Variants in KIRREL3 observed in about 807,000 individuals in gnomAD.
KIRREL3 encodes the protein kin of IRRE-like protein 3.
Under a neutral mutation model 89.7 loss-of-function variants are expected in KIRREL3, and 36 were observed. The observed-to-expected ratio is 0.40, with a 90% CI of 0.31 to 0.53. The LOEUF (loss-of-function observed/expected upper bound fraction) is 0.53. Among genes scored for constraint, KIRREL3 ranks in the 20% least tolerant of loss-of-function variants. The probability of loss-of-function intolerance (pLI) is 0.49; values close to 1 mark genes in which losing one functional copy is unlikely to be tolerated. For missense variants in KIRREL3, 864 were observed against 1,056.6 expected (o/e 0.82, Z 2.53); for synonymous variants, 445 against 441.4 (o/e 1.01, Z -0.10).
intron 1 of KIRREL3, among the ~76,000 whole-genome samples, chr11:126,775,788 G>A (rs569901835): frequency 1.3e-5 from 2 of 152,138 alleles, no homozygotes; most frequent in African/African-American, 4.8e-5. Context: ...TTTTATAGAC[G>A]AGGGAATTGA....
chr11:126,790,187 C>A (rs937322364), intron 1 of KIRREL3, among the ~76,000 whole-genome samples: 2 of 152,202 alleles, frequency 1.3e-5, no homozygotes, highest in Non-Finnish European at 2.9e-5. Context: ...TGTTTCTTGT[C>A]CTCTTGCCTC....
At chr11:126,448,015 G>C (rs192141259) in intron 8 of KIRREL3, among the ~76,000 whole-genome samples, 1 of 152,142 alleles carries the variant, frequency 6.6e-6, no homozygotes. Context: ...GGGCAGGTGC[G>C]GTGGCTCATG....
At position 126,612,555 on chromosome 11, in the gene KIRREL3, G is replaced by A. The variant is rs370738274; in HGVS notation, c.56-49643C>T. On this transcript the variant is annotated intron_variant, in intron 1 of 16. Transcript: ENST00000525144. The surrounding 1 kb of genome is among the most constrained non-coding windows in gnomAD (Gnocchi z 4.5). ...AACATTTTCCCCTTTAAAATAGACA[G>A]TTCAGTAGTTTTAAGTATATTTACA... Among the ~76,000 whole-genome samples, 51 of 152,288 alleles carry A rather than the reference G, an allele frequency of 3.3e-4. No individual in the cohort carries two copies. The highest frequency in any genetic ancestry group is 1.2e-3 in the African/African-American group (48 of 41,548).
In KIRREL3 at chr11:126,594,071, C is replaced by A. The variant is rs1473203321; in HGVS notation, c.56-31159G>T. Among the ~76,000 whole-genome samples, 1 of 152,158 alleles carries A rather than the reference C, an allele frequency of 6.6e-6. No individual in the cohort carries two copies. The highest frequency in any genetic ancestry group is 6.5e-5 in the Admixed American group (1 of 15,286). On this transcript the variant is annotated intron_variant, in intron 1 of 16. Coordinates refer to ENST00000525144, the MANE Select transcript of KIRREL3 (RefSeq NM_032531.4). This position sits in a 1 kb window ranked among gnomAD's most constrained non-coding sequence, Gnocchi z 5.0. ...GGGGAAAAGAAATCACATCCCCAGG[C>A]TCCCTTCCCTCTGTCCATTGGCACA...
Position 126,990,082 on chromosome 11 carries a change from AG to A in KIRREL3, c.55+10372del, listed in dbSNP as rs1949982802. Among the ~76,000 whole-genome samples, 1 of 152,258 alleles carries A rather than the reference AG, an allele frequency of 6.6e-6. No individual in the cohort carries two copies. The highest frequency in any genetic ancestry group is 2.1e-4 in the South Asian group (1 of 4,826). On this transcript the variant is annotated intron_variant, in intron 1 of 16. Transcript: ENST00000525144. This position sits in a 1 kb window ranked among gnomAD's most constrained non-coding sequence, Gnocchi z 6.3. ...GAAGGGAAAACGCCTGGAGCGGGGC[AG>A]GGGGCACAGGCCTGGAGGCGGCTCT... is the stretch of plus-strand genomic sequence containing the variant.
chr11:126,721,970 G>A (rs936665088), intron 1 of KIRREL3, among the ~76,000 whole-genome samples: 5 of 152,196 alleles, frequency 3.3e-5, no homozygotes, highest in African/African-American at 9.6e-5. Context: ...GGTCAGAAGC[G>A]AAGGGTTCCC....
At chr11:126,590,471 G>C (rs535170080) in intron 1 of KIRREL3, among the ~76,000 whole-genome samples, 1 of 152,212 alleles carries the variant, frequency 6.6e-6, no homozygotes, top group Non-Finnish European at 1.5e-5. Context: ...GTGTGGCTGA[G>C]ATCTGCAACA....
At chr11:126,706,519 T>A (rs1947534490) in intron 1 of KIRREL3, among the ~76,000 whole-genome samples, 1 of 152,232 alleles carries the variant, frequency 6.6e-6, no homozygotes, top group Non-Finnish European at 1.5e-5. Flanking sequence ...ACAAAATGCT[T>A]AATAAATGAC....
chr11:126,663,669 A>G (rs1945525269), intron 1 of KIRREL3, among the ~76,000 whole-genome samples: 1 of 152,150 alleles, frequency 6.6e-6, no homozygotes, highest in African/African-American at 2.4e-5. Flanking sequence ...GGCACATGAC[A>G]TGTCAGGGGA....
At chr11:126,753,715 C>A (rs748605156) in intron 1 of KIRREL3, among the ~76,000 whole-genome samples, 4 of 152,148 alleles carry the variant, frequency 2.6e-5, no homozygotes, top group Non-Finnish European at 5.9e-5. Context: ...TGGATCTGAG[C>A]TCCTGCCTCC....
At chr11:126,806,703 C>T (rs1951214128) in intron 1 of KIRREL3, among the ~76,000 whole-genome samples, 1 of 152,150 alleles carries the variant, frequency 6.6e-6, no homozygotes, top group Non-Finnish European at 1.5e-5. Flanking sequence ...TTCTGGGATA[C>T]ATGTGTAGAA....
In KIRREL3 at chr11:126,995,100, G is replaced by A. The variant is rs925302256; in HGVS notation, c.55+5355C>T. 2 of 430,318 alleles carry A rather than the reference G, an allele frequency of 4.6e-6. No individual in the cohort carries two copies. Among genetic ancestry groups the A allele is most frequent in the African/African-American group, 2.0e-5 (1 of 49,178 alleles). 26.7% of individuals were successfully genotyped at this position (430,318 alleles called of 1,614,324 possible). On this transcript the variant is annotated intron_variant, in intron 1 of 16. Transcript: ENST00000525144. This position sits in a 1 kb window ranked among gnomAD's most constrained non-coding sequence, Gnocchi z 6.5. ...TACAGGATGAAGCGATTACAACCTG[G>A]GCGCAGTATACTGGCTGGCTTTGCT... is the stretch of plus-strand genomic sequence containing the variant.
chr11:126,747,733 C>T lies in KIRREL3; in HGVS notation c.56-184821G>A, dbSNP rs374832465. 9.9e-5 allele frequency among the ~76,000 whole-genome samples: 15 copies of T among 152,230 alleles called. No homozygotes were observed. Among genetic ancestry groups the T allele is most frequent in the African/African-American group, 2.6e-4 (11 of 41,538 alleles). On this transcript the variant is annotated intron_variant, in intron 1 of 16. Coordinates refer to ENST00000525144, the MANE Select transcript of KIRREL3 (RefSeq NM_032531.4). The surrounding 1 kb of genome is among the most constrained non-coding windows in gnomAD (Gnocchi z 4.7). ...TGCCTGTCACAGAGTAAGCACTCAG[C>T]GCCGTGAATGAAGGAATGGGGTGAG...
chr11:126,888,483 C>T (rs919911433), intron 1 of KIRREL3, among the ~76,000 whole-genome samples: 10 of 152,140 alleles, frequency 6.6e-5, no homozygotes, highest in African/African-American at 2.4e-4. Flanking sequence ...TGATCACCAC[C>T]CCACACTGCT....
intron 1 of KIRREL3, among the ~76,000 whole-genome samples, chr11:126,854,958 C>A (rs377233550): frequency 6.6e-6 from 1 of 152,188 alleles, no homozygotes; most frequent in Non-Finnish European, 1.5e-5. Flanking sequence ...TCACCCTTGT[C>A]TCTAAGTCGT....
At position 126,860,359 on chromosome 11, in the gene KIRREL3, CTTTA is replaced by C. The variant is rs1261876049; in HGVS notation, c.55+140092_55+140095del. On this transcript the variant is annotated intron_variant, in intron 1 of 16. Coordinates refer to ENST00000525144, the MANE Select transcript of KIRREL3 (RefSeq NM_032531.4). The surrounding 1 kb of genome is among the most constrained non-coding windows in gnomAD (Gnocchi z 4.6). ...GGTCTGGGAGCACAGAGAAGGTTGC[CTTTA>C]TTTATGTTTCAGGCAGAAAAGCTGG... is the stretch of plus-strand genomic sequence containing the variant. 6.6e-6 allele frequency among the ~76,000 whole-genome samples: 1 copy of C among 152,062 alleles called. No homozygotes were observed. The highest frequency in any genetic ancestry group is 1.5e-5 in the Non-Finnish European group (1 of 68,022).
Position 126,724,213 on chromosome 11 carries a change from C to T in KIRREL3, c.56-161301G>A, listed in dbSNP as rs1320734314. Among the ~76,000 whole-genome samples the T allele has an allele frequency of 6.6e-6, 1 of 152,196 alleles. No homozygotes were observed. Among genetic ancestry groups the T allele is most frequent in the African/African-American group, 2.4e-5 (1 of 41,432 alleles). ...AACCTTCAGAGGCAGGTTGCTTCTG[C>T]CACGGCAAGGAGAAGATCACTTTCT... On this transcript the variant is annotated intron_variant, in intron 1 of 16. Transcript: ENST00000525144. The surrounding 1 kb of genome is among the most constrained non-coding windows in gnomAD (Gnocchi z 4.3).
chr11:126,854,606 T>G (rs1395261893), intron 1 of KIRREL3, among the ~76,000 whole-genome samples: 2 of 152,246 alleles, frequency 1.3e-5, no homozygotes, highest in Non-Finnish European at 2.9e-5. Context: ...GACCACATTT[T>G]GTTTATCCAT....
At chr11:126,567,223 A>G (rs997187348) in intron 1 of KIRREL3, among the ~76,000 whole-genome samples, 61 of 152,320 alleles carry the variant, frequency 4.0e-4, no homozygotes, top group African/African-American at 1.4e-3. Context: ...TCATGTTATA[A>G]TGAGGTCATT....
Sources: gnomAD v4.1 joint callset for allele counts (sites outside exome capture counted in the v4.1 genomes callset) on GRCh38, gnomAD v4.1.1 for gene constraint, Gnocchi (gnomAD v3.1) non-coding constraint, MANE v1.5 for transcripts, NCBI Gene and HGNC (gene_info 2026-07-23, HGNC 2026-07-21) for gene names.